IFT81: variants seen among roughly 807,000 people sequenced by gnomAD.
The protein encoded by IFT81 is intraflagellar transport 81.
In IFT81, 72 loss-of-function variants were observed where a neutral mutation model predicts 102.6. The observed-to-expected ratio is 0.70, with a 90% CI of 0.58 to 0.85. The LOEUF (loss-of-function observed/expected upper bound fraction) is 0.85, where lower values mean the gene tolerates loss of function less well. Ranked by LOEUF, IFT81 falls within the 40% of genes least tolerant of loss-of-function variation. IFT81 has a pLI of 0.00. For missense variants in IFT81, 723 were observed against 787.3 expected, an observed-to-expected ratio of 0.92 and a Z score of 0.98; for synonymous variants, 237 against 242.7, an observed-to-expected ratio of 0.98 and a Z score of 0.22.
chr12:110,159,622 C>T (rs1334720321), intron 10 of IFT81, among the ~76,000 whole-genome samples: 1 of 152,190 alleles, frequency 6.6e-6, no homozygotes, highest in Non-Finnish European at 1.5e-5. Flanking sequence ...AAAAAAGGAT[C>T]CGGACCTATA....
At chr12:110,215,355 T>G (rs1869943766) in intron 18 of IFT81, among the ~76,000 whole-genome samples, 1 of 151,856 alleles carries the variant, frequency 6.6e-6, no homozygotes, top group Non-Finnish European at 1.5e-5. Flanking sequence ...ATGTGCACTT[T>G]CACCTTCTCT....
At chr12:110,179,735 TATATATATATATATATATATATA>T (rs1265002400) in intron 11 of IFT81, among the ~76,000 whole-genome samples, 1 of 25,604 alleles carries the variant, frequency 3.9e-5, no homozygotes, top group Non-Finnish European at 6.2e-5. Flanking sequence ...TATATATATA[TATATATATATATATATATATATA>T]TATATATATA....
intron 12 of IFT81, among the ~76,000 whole-genome samples, chr12:110,188,738 CAT>C (rs1897662266): frequency 6.7e-6 from 1 of 148,150 alleles, no homozygotes; most frequent in Non-Finnish European, 1.5e-5. Flanking sequence ...TCCTGGCTAA[CAT>C]AGTGAAACCC....
chr12:110,161,990 A>G (rs1407726514), intron 10 of IFT81, among the ~76,000 whole-genome samples: 1 of 152,210 alleles, frequency 6.6e-6, no homozygotes, highest in Non-Finnish European at 1.5e-5. Flanking sequence ...ATCTCCCAAG[A>G]GTTACTAGCT....
chr12:110,150,453 A>G (rs1895465006), intron 10 of IFT81, among the ~76,000 whole-genome samples: 1 of 152,058 alleles, frequency 6.6e-6, no homozygotes, highest in Admixed American at 6.6e-5. Flanking sequence ...TTTCTTTTTC[A>G]TAAAGTACAC....
intron 11 of IFT81, among the ~76,000 whole-genome samples, chr12:110,180,108 T>C (rs970847873): frequency 7.9e-5 from 12 of 152,076 alleles, no homozygotes; most frequent in African/African-American, 2.7e-4. Flanking sequence ...AATACTGAAC[T>C]GAAGTTTAAA....
chr12:110,174,860 G>A (rs1403193767), intron 11 of IFT81, among the ~76,000 whole-genome samples: 1 of 152,204 alleles, frequency 6.6e-6, no homozygotes, highest in African/African-American at 2.4e-5. Context: ...AATTGGTCCT[G>A]AAGCCAGAAG....
At chr12:110,204,028 G>T in intron 15 of IFT81, 78 bp downstream of exon 15, 1 of 879,264 alleles carries the variant, frequency 1.1e-6, no homozygotes, top group South Asian at 1.5e-5. Flanking sequence ...TACTCTGGAG[G>T]CTGAAGCAGG....
intron 11 of IFT81, among the ~76,000 whole-genome samples, chr12:110,172,947 GTCA>G (rs1896824704): frequency 1.4e-5 from 2 of 142,742 alleles, no homozygotes; most frequent in African/African-American, 5.1e-5. Flanking sequence ...GGAGGTGGGG[GTCA>G]GCCCCCGCCA....
At chr12:110,164,268 A>G (rs1349168424) in intron 11 of IFT81, among the ~76,000 whole-genome samples, 2 of 152,166 alleles carry the variant, frequency 1.3e-5, no homozygotes, top group Non-Finnish European at 2.9e-5. Context: ...GACAAATAAT[A>G]TTTTTTATAG....
chr12:110,153,576 G>A (rs1190577465), intron 10 of IFT81, among the ~76,000 whole-genome samples: 1 of 148,692 alleles, frequency 6.7e-6, no homozygotes, highest in East Asian at 2.0e-4. Context: ...GAATTCACCA[G>A]TGAGGACATC....
chr12:110,159,270 C>T (rs989196518), intron 10 of IFT81, among the ~76,000 whole-genome samples: 1 of 152,074 alleles, frequency 6.6e-6, no homozygotes, highest in Non-Finnish European at 1.5e-5. Context: ...TTGAGACTAA[C>T]CTGGGCAACA....
chr12:110,145,698 G>A (rs190286784), intron 9 of IFT81, among the ~76,000 whole-genome samples: 30 of 152,100 alleles, frequency 2.0e-4, no homozygotes, highest in African/African-American at 7.2e-4. Context: ...GCCTCCCAAA[G>A]TGCTGGGATT....
At chr12:110,148,952 AT>A (rs1191546606) in intron 10 of IFT81, among the ~76,000 whole-genome samples, 1 of 152,032 alleles carries the variant, frequency 6.6e-6, no homozygotes, top group Non-Finnish European at 1.5e-5. Context: ...AATTAGGGCT[AT>A]TTTTTGTTGT....
intron 4 of IFT81, among the ~76,000 whole-genome samples, chr12:110,129,492 A>G (rs1894040596): frequency 1.3e-5 from 2 of 152,196 alleles, no homozygotes; most frequent in South Asian, 4.1e-4. Flanking sequence ...GAAACAGACT[A>G]TCATAACATT....
chr12:110,192,011 A>C (rs112683028), intron 13 of IFT81, among the ~76,000 whole-genome samples: 211 of 152,180 alleles, frequency 1.4e-3, no homozygotes, highest in African/African-American at 4.9e-3. Flanking sequence ...TCTCTACTAA[A>C]AATACAAAAA....
At chr12:110,144,018 T>TTTTC (rs1895046079) in intron 9 of IFT81, among the ~76,000 whole-genome samples, 1 of 148,856 alleles carries the variant, frequency 6.7e-6, no homozygotes, top group African/African-American at 2.5e-5. Flanking sequence ...TTTTTTTTTT[T>TTTTC]TTTTTTTTTT....
At chr12:110,140,745 T>C (rs1242050155) in intron 8 of IFT81, among the ~76,000 whole-genome samples, 1 of 152,194 alleles carries the variant, frequency 6.6e-6, no homozygotes, top group African/African-American at 2.4e-5. Context: ...TTTTTTGAGA[T>C]GGAGTTTCAC....
At chr12:110,213,220 C>G (rs1169212461) in intron 18 of IFT81, among the ~76,000 whole-genome samples, 50 of 152,046 alleles carry the variant, frequency 3.3e-4, no homozygotes. Flanking sequence ...TTATATATCT[C>G]TTAAGTCTCT....
Sources: gnomAD v4.1 joint callset for allele counts (sites outside exome capture counted in the v4.1 genomes callset) on GRCh38, gnomAD v4.1.1 for gene constraint, MANE v1.5 for transcripts, NCBI Gene and HGNC (gene_info 2026-07-23, HGNC 2026-07-21) for gene names.